The following RANBP17 variants were observed in gnomAD, a reference collection of about 807,000 sequenced individuals.
RANBP17 encodes RAN binding protein 17.
Under a neutral mutation model 141.2 loss-of-function variants are expected in RANBP17, and 158 were observed. The ratio of observed to expected loss-of-function variants is 1.12; its 90% CI spans 0.98 to 1.28. The LOEUF (loss-of-function observed/expected upper bound fraction) is 1.28. Ranked by LOEUF, RANBP17 falls within the 50% of genes most tolerant of loss-of-function variation. The probability of loss-of-function intolerance (pLI) is 0.00; values close to 1 mark genes in which losing one functional copy is unlikely to be tolerated. For missense variants in RANBP17, 1,438 were observed against 1,290.7 expected (o/e 1.11, Z -1.75); for synonymous variants, 430 against 450.0 (o/e 0.96, Z 0.56).
chr5:171,065,641 A>T (rs530997678), intron 14 of RANBP17, among the ~76,000 whole-genome samples: 5 of 152,242 alleles, frequency 3.3e-5, no homozygotes, highest in South Asian at 4.2e-4. Context: ...GATTTGAGAT[A>T]CCAGTTTTAT....
At chr5:171,006,288 C>G (rs916420993) in intron 14 of RANBP17, among the ~76,000 whole-genome samples, 2 of 152,202 alleles carry the variant, frequency 1.3e-5, no homozygotes, top group Admixed American at 6.5e-5. Context: ...TATAAAAACA[C>G]ATGCACACGT....
intron 16 of RANBP17, among the ~76,000 whole-genome samples, chr5:171,175,970 C>T (rs1172164750): frequency 6.6e-6 from 1 of 152,064 alleles, no homozygotes; most frequent in African/African-American, 2.4e-5. Flanking sequence ...ACCTCAACAG[C>T]AAAGCATTAA....
chr5:171,158,825 T>G (rs1049421163), intron 14 of RANBP17, among the ~76,000 whole-genome samples: 58 of 152,172 alleles, frequency 3.8e-4, no homozygotes, highest in Non-Finnish European at 1.6e-4. Flanking sequence ...TACCACACTT[T>G]CCAGCAGGTG....
intron 24 of RANBP17, among the ~76,000 whole-genome samples, chr5:171,249,854 A>G (rs1765441966): frequency 6.6e-6 from 1 of 152,240 alleles, no homozygotes; most frequent in South Asian, 2.1e-4. Context: ...GAAATAATAG[A>G]TGAAAATTTC....
At chr5:171,152,074 A>G (rs955335525) in intron 14 of RANBP17, among the ~76,000 whole-genome samples, 19 of 152,104 alleles carry the variant, frequency 1.2e-4, no homozygotes, top group Non-Finnish European at 2.5e-4. Flanking sequence ...CATGAAACTC[A>G]GAATATCGAG....
chr5:171,160,155 A>G (rs113784842), intron 14 of RANBP17, among the ~76,000 whole-genome samples: 23 of 152,232 alleles, frequency 1.5e-4, no homozygotes, highest in African/African-American at 5.5e-4. Flanking sequence ...TTGAGATAAA[A>G]TAACACCAAA....
chr5:170,946,680 C>T (rs985057600), intron 12 of RANBP17, among the ~76,000 whole-genome samples: 12 of 151,984 alleles, frequency 7.9e-5, no homozygotes, highest in African/African-American at 2.2e-4. Context: ...TATATATTGT[C>T]GATTTATTGA....
chr5:171,038,071 A>G (rs1341027251), intron 14 of RANBP17, among the ~76,000 whole-genome samples: 1 of 151,194 alleles, frequency 6.6e-6, no homozygotes, highest in Non-Finnish European at 1.5e-5. Flanking sequence ...ATGTTTCTCC[A>G]TTTGTTTGTG....
At chr5:171,286,755 A>G (rs1299221151) in intron 25 of RANBP17, among the ~76,000 whole-genome samples, 2 of 152,230 alleles carry the variant, frequency 1.3e-5, no homozygotes, top group Admixed American at 1.3e-4. Context: ...TCAAAATGAC[A>G]GAAACCCCCT....
At chr5:171,125,860 G>A (rs761545986) in intron 14 of RANBP17, among the ~76,000 whole-genome samples, 8 of 150,700 alleles carry the variant, frequency 5.3e-5, no homozygotes, top group Non-Finnish European at 1.0e-4. Flanking sequence ...GCACAATCTC[G>A]GCTCAGTGCA....
intron 9 of RANBP17, 92 bp downstream of exon 9, chr5:170,916,676 C>A: frequency 2.6e-6 from 2 of 775,038 alleles, no homozygotes; most frequent in Non-Finnish European, 3.8e-6. Flanking sequence ...TATTATGATT[C>A]TGGAAGAAAA....
chr5:170,892,151 A>G (rs1036098753), intron 3 of RANBP17, among the ~76,000 whole-genome samples: 1 of 111,866 alleles, frequency 8.9e-6, no homozygotes, highest in Non-Finnish European at 1.8e-5. Flanking sequence ...TTTTTTTTAC[A>G]TTAAGTTCTG....
chr5:171,243,951 G>A (rs927051762), intron 24 of RANBP17, among the ~76,000 whole-genome samples: 2 of 151,918 alleles, frequency 1.3e-5, no homozygotes, highest in African/African-American at 4.8e-5. Flanking sequence ...GATGGTGGGC[G>A]CATATAATCC....
chr5:170,875,361 C>T (rs1256432765), intron 1 of RANBP17, among the ~76,000 whole-genome samples: 1 of 152,080 alleles, frequency 6.6e-6, no homozygotes. Flanking sequence ...GAATGTTGGC[C>T]TGTCTTGCTA....
intron 14 of RANBP17, among the ~76,000 whole-genome samples, chr5:171,154,997 G>A (rs1462929407): frequency 6.7e-6 from 1 of 149,488 alleles, no homozygotes; most frequent in Non-Finnish European, 1.5e-5. Flanking sequence ...AGAATGGCTT[G>A]AACCCGGGAG....
At chr5:171,297,669 C>T (rs1581203792) in intron 27 of RANBP17, among the ~76,000 whole-genome samples, 3 of 150,568 alleles carry the variant, frequency 2.0e-5, no homozygotes, top group South Asian at 4.2e-4. Flanking sequence ...AATTACTTCA[C>T]CTAAGGCTTG....
At chr5:171,100,627 C>T (rs948567221) in intron 14 of RANBP17, among the ~76,000 whole-genome samples, 1 of 152,000 alleles carries the variant, frequency 6.6e-6, no homozygotes, top group African/African-American at 2.4e-5. Context: ...TTAGTTATTT[C>T]TTGTCTTCTG....
chr5:171,054,649 C>T (rs1783218624), intron 14 of RANBP17, among the ~76,000 whole-genome samples: 1 of 152,138 alleles, frequency 6.6e-6, no homozygotes, highest in African/African-American at 2.4e-5. Flanking sequence ...GTACCTTTTG[C>T]CGACCTTCTG....
At chr5:171,063,356 G>T (rs984288064) in intron 14 of RANBP17, among the ~76,000 whole-genome samples, 2 of 152,324 alleles carry the variant, frequency 1.3e-5, no homozygotes, top group South Asian at 2.1e-4. Context: ...TGTCCTTTCT[G>T]TTTGTTAGCT....
Sources: gnomAD v4.1 joint callset for allele counts (sites outside exome capture counted in the v4.1 genomes callset) on GRCh38, gnomAD v4.1.1 for gene constraint, MANE v1.5 for transcripts, NCBI Gene and HGNC (gene_info 2026-07-23, HGNC 2026-07-21) for gene names.